The following SCN10A variants were observed in gnomAD, a reference collection of about 807,000 sequenced individuals.
The protein encoded by SCN10A is sodium channel protein type 10 subunit alpha.
Under a neutral mutation model 170.7 loss-of-function variants are expected in SCN10A, and 162 were observed. That is an observed-to-expected ratio of 0.95 (90% CI 0.84 to 1.08). SCN10A has a LOEUF of 1.08. Among genes scored for constraint, SCN10A ranks in the 50% least tolerant of loss-of-function variants. The probability of loss-of-function intolerance (pLI) is 0.00; values close to 1 mark genes in which losing one functional copy is unlikely to be tolerated. For missense variants in SCN10A, 2,527 were observed against 2,436.9 expected (o/e 1.04, Z -0.78); for synonymous variants, 985 against 904.6 (o/e 1.09, Z -1.59).
intron 13 of SCN10A, 122 bp downstream of exon 13, chr3:38,749,951 G>T: frequency 1.8e-6 from 1 of 557,250 alleles, no homozygotes; most frequent in Non-Finnish European, 3.2e-6. Context: ...AGAATGAGGA[G>T]TATTAGGAAT....
chr3:38,796,798 A>G (rs1289555161), intron 1 of SCN10A, among the ~76,000 whole-genome samples: 1 of 152,082 alleles, frequency 6.6e-6, no homozygotes, highest in Non-Finnish European at 1.5e-5. Flanking sequence ...AACTCTCTGC[A>G]CTTTCTCTAT....
At position 38,726,610 on chromosome 3, in the gene SCN10A, C is replaced by T; in HGVS notation, c.3083G>A (p.Gly1028Glu). 6.3e-7 allele frequency: 1 copy of T among 1,582,488 alleles called. No homozygotes were observed. Among genetic ancestry groups the T allele is most frequent in the Non-Finnish European group, 8.6e-7 (1 of 1,158,804 alleles). The change falls in exon 17 of 28, where the codon GGA becomes GAA. Residue 1028 changes from glycine to glutamate, a missense_variant. Gly to Glu is a moderately conservative substitution (Grantham distance 98, BLOSUM62 -2). Transcript: ENST00000449082. ...QSFQQEVIPK[G>E]QQEQLQQVER... The stretch of plus-strand genomic sequence containing the variant: ...TCCCTTGGGGATAACTCTTACCTGT[C>T]CTTTGGGGATCACTTCCTGCTGGAA...
chr3:38,727,439 C>T (rs73062578), intron 16 of SCN10A, among the ~76,000 whole-genome samples: 1 of 152,328 alleles, frequency 6.6e-6, no homozygotes, highest in Non-Finnish European at 1.5e-5. Flanking sequence ...CAGTTCTTCA[C>T]TTGAGAGCAG....
intron 26 of SCN10A, among the ~76,000 whole-genome samples, chr3:38,702,656 AT>A (rs1413327881): frequency 6.6e-6 from 1 of 152,224 alleles, no homozygotes; most frequent in African/African-American, 2.4e-5. Context: ...TGAAATATTA[AT>A]TTGAGCTACT....
At position 38,792,887 on chromosome 3, in the gene SCN10A, A is replaced by C. The variant is rs564315556; in HGVS notation, c.271-719T>G. 3.3e-4 allele frequency among the ~76,000 whole-genome samples: 50 copies of C among 152,232 alleles called. 1 individual carries two copies. In the South Asian group the frequency reaches 0.01, roughly 32 times the overall value. Reference sequence around the variant, plus strand: ...ACTCTCAAACCTTATTGAGGACCCCAAATAACTTTTGTTTATGTTGATACC... The same window carrying C: ...ACTCTCAAACCTTATTGAGGACCCCCAATAACTTTTGTTTATGTTGATACC... On this transcript the variant is annotated intron_variant, in intron 2 of 27. Transcript: ENST00000449082.
intron 3 of SCN10A, among the ~76,000 whole-genome samples, chr3:38,790,273 T>C (rs1301620202): frequency 2.6e-5 from 4 of 152,080 alleles, no homozygotes; most frequent in Admixed American, 1.3e-4. Flanking sequence ...TGGTGAAATA[T>C]TAATAATAGG....
intron 25 of SCN10A, 124 bp from the exon 26 acceptor site, chr3:38,707,507 G>A: frequency 2.1e-6 from 2 of 940,568 alleles, no homozygotes; most frequent in Non-Finnish European, 3.3e-6. Context: ...GACAAACCAA[G>A]CCCAGCATCA....
rs138540340 is a variant in SCN10A, at chr3:38,736,257, C to A, written c.2280+3258G>T. Among the ~76,000 whole-genome samples, 3 of 152,174 alleles carry A rather than the reference C, an allele frequency of 2.0e-5. No individual in the cohort carries two copies. The East Asian group carries it at 5.8e-4, about 29-fold the overall frequency. The stretch of plus-strand genomic sequence containing the variant: ...TCCTGATTATGCAGAACTTTGTACA[C>A]CATCATGAGGAGTCTGGATTTTATT... On this transcript the variant is annotated intron_variant, in intron 15 of 27. Transcript: ENST00000449082.
chr3:38,815,322 A>G (rs1186040503), intron 1 of SCN10A, among the ~76,000 whole-genome samples: 1 of 152,198 alleles, frequency 6.6e-6, no homozygotes, highest in East Asian at 1.9e-4. Flanking sequence ...AAAGTTTCTC[A>G]ACCTTGTTGT....
chr3:38,791,082 G>T (rs1366366216), intron 3 of SCN10A, among the ~76,000 whole-genome samples: 1 of 152,204 alleles, frequency 6.6e-6, no homozygotes, highest in African/African-American at 2.4e-5. Flanking sequence ...ATCTGCCTCA[G>T]AGTTAGGGAG....
At chr3:38,754,805 C>T (rs1467670609) in intron 11 of SCN10A, among the ~76,000 whole-genome samples, 1 of 152,098 alleles carries the variant, frequency 6.6e-6, no homozygotes, top group African/African-American at 2.4e-5. Flanking sequence ...AGTAAAATAT[C>T]CTTCGGCTTA....
chr3:38,719,407 T>C (rs2063366017), intron 20 of SCN10A, among the ~76,000 whole-genome samples: 1 of 93,260 alleles, frequency 1.1e-5, no homozygotes, highest in Non-Finnish European at 2.0e-5. Flanking sequence ...TTTTTTTTTT[T>C]TTTTGAGACG....
chr3:38,718,715 C>T lies in SCN10A; in HGVS notation c.3619G>A (p.Ala1207Thr). 1 of 1,614,230 alleles carries T rather than the reference C, an allele frequency of 6.2e-7. No individual in the cohort carries two copies. Among genetic ancestry groups the T allele is most frequent in the Non-Finnish European group, 8.5e-7 (1 of 1,180,044 alleles). ...GTGAAGTACTTTTTGAAGCCATAGG[C>T]CACCCACTTAAGCAGCATCTCGAAC... ...FVFEMLLKWVAYGFKKYFTNA... is the reference protein window; with the variant it reads ...FVFEMLLKWVTYGFKKYFTNA... The change falls in exon 21 of 28, where the codon GCC (alanine) becomes ACC (threonine). Residue 1207 changes from alanine (A) to threonine (T), a missense_variant. By Grantham distance (58) the Ala-to-Thr change is moderately conservative. Coordinates refer to ENST00000449082, the MANE Select transcript of SCN10A (RefSeq NM_006514.4).
chr3:38,775,316 A>C (rs948262066), intron 4 of SCN10A, among the ~76,000 whole-genome samples: 1 of 152,136 alleles, frequency 6.6e-6, no homozygotes, highest in Non-Finnish European at 1.5e-5. Context: ...GTACCTACTA[A>C]AGGTGGAATC....
rs370202955 is a variant in SCN10A at position 38,725,229 on chromosome 3, G to A, written c.3173C>T (p.Ala1058Val). 52 of 1,606,936 alleles carry A rather than the reference G, an allele frequency of 3.2e-5. No individual in the cohort carries two copies. In the African/African-American group the frequency reaches 5.2e-4, roughly 16 times the overall value. ...PGTGTSSEDL[A>V]PSLGETWKDE... ...TTTCCACGTCTCACCCAGGGATGGA[G>A]CCAGGTCCTCAGAAGATGTTCCAGT... Residue 1058 changes from alanine to valine, a missense_variant, in exon 18 of 28, where the codon GCT becomes GTT. Ala to Val is a moderately conservative substitution (Grantham distance 64, BLOSUM62 0). Transcript: ENST00000449082.
At chr3:38,781,314 A>C (rs2064136308) in intron 4 of SCN10A, among the ~76,000 whole-genome samples, 1 of 152,058 alleles carries the variant, frequency 6.6e-6, no homozygotes, top group Admixed American at 6.6e-5. Flanking sequence ...CTGATCTACT[A>C]CAGCTTTCTG....
intron 4 of SCN10A, among the ~76,000 whole-genome samples, chr3:38,781,774 T>C (rs2064142152): frequency 6.6e-6 from 1 of 152,166 alleles, no homozygotes; most frequent in African/African-American, 2.4e-5. Flanking sequence ...TGATTTAATA[T>C]TTATGGTCTG....
intron 1 of SCN10A, among the ~76,000 whole-genome samples, chr3:38,802,240 C>A (rs2064376062): frequency 6.6e-6 from 1 of 152,222 alleles, no homozygotes; most frequent in South Asian, 2.1e-4. Context: ...GCCAGCTTCC[C>A]AGACCCTTAC....
intron 8 of SCN10A, among the ~76,000 whole-genome samples, chr3:38,758,140 A>T (rs1458184847): frequency 2.0e-5 from 3 of 152,182 alleles, no homozygotes; most frequent in Admixed American, 6.5e-5. Context: ...TATCCCAGAC[A>T]TCCATGTGAA....
Sources: gnomAD v4.1 joint callset for allele counts (sites outside exome capture counted in the v4.1 genomes callset) on GRCh38, gnomAD v4.1.1 for gene constraint, MANE v1.5 for transcripts, NCBI Gene and HGNC (gene_info 2026-07-23, HGNC 2026-07-21) for gene names.